The following PSD2 variants were observed in gnomAD, a reference collection of about 807,000 sequenced individuals.
PSD2 encodes the protein PH and SEC7 domain-containing protein 2.
Under a neutral mutation model 69.8 loss-of-function variants are expected in PSD2, and 38 were observed. That is an observed-to-expected ratio of 0.54 (90% CI 0.42 to 0.71). The LOEUF is 0.71. PSD2 is among the 30% of genes least tolerant of loss of function. PSD2 has a pLI of 0.00. For missense variants in PSD2, 943 were observed against 1,014.5 expected (o/e 0.93, Z 0.96); for synonymous variants, 412 against 423.0 (o/e 0.97, Z 0.32).
At position 139,840,097 on chromosome 5, in the gene PSD2, A is replaced by T; in HGVS notation, c.2039A>T (p.His680Leu). ...LTAELAEHRC[H>L]PVERGIKSKE... ...GCGGAGCTGGCCGAACACAGGTGTC[A>T]CCCAGTCGAGAGGGGCATCAAGTCC... The change falls in exon 14 of 15, where the codon CAC becomes CTC. Residue 680 changes from histidine to leucine, a missense_variant. Transcript: ENST00000274710. 1 of 1,614,104 alleles carries T rather than the reference A, an allele frequency of 6.2e-7. No homozygotes were observed. The highest frequency in any genetic ancestry group is 1.3e-5 in the African/African-American group (1 of 75,016).
the PSD2 span, among the ~76,000 whole-genome samples, chr5:139,747,639 C>A: frequency 7.9e-5 from 12 of 152,220 alleles, no homozygotes; most frequent in Non-Finnish European, 1.8e-4. This position sits in a 1 kb window ranked among gnomAD's most constrained non-coding sequence, Gnocchi z 6.7. Flanking sequence ...CTGCCCGCAG[C>A]CCGGCCGGAC....
At position 139,822,002 on chromosome 5, in the gene PSD2, G is replaced by A. The variant is rs1286042446; in HGVS notation, c.1207G>A (p.Glu403Lys). ...CQCNPDDSTS[E>K]DGIHTLTCAL... Reference sequence around the variant, plus strand: ...GTGCAACCCTGATGACAGCACTTCGGAAGGTATGGCCCCTTGCCCACTCTG... The same window carrying A: ...GTGCAACCCTGATGACAGCACTTCGAAAGGTATGGCCCCTTGCCCACTCTG... Residue 403 changes from glutamate (E) to lysine (K), a missense_variant, in exon 6 of 15, where the codon GAA becomes AAA. Coordinates refer to ENST00000274710, the MANE Select transcript of PSD2 (RefSeq NM_032289.4). 6.3e-7 allele frequency: 1 copy of A among 1,599,448 alleles called. No individual in the cohort carries two copies. The highest frequency in any genetic ancestry group is 8.5e-7 in the Non-Finnish European group (1 of 1,170,314).
chr5:139,810,853 C>T (rs1759938896), intron 2 of PSD2, among the ~76,000 whole-genome samples: 1 of 152,082 alleles, frequency 6.6e-6, no homozygotes, highest in African/African-American at 2.4e-5. Context: ...GGCATCTTTA[C>T]TTGGGATGGC....
the PSD2 span, among the ~76,000 whole-genome samples, chr5:139,758,058 GA>G: frequency 6.6e-6 from 1 of 152,104 alleles, no homozygotes. Flanking sequence ...AAAACGAAAC[GA>G]AACAAAAAAA....
intron 7 of PSD2, among the ~76,000 whole-genome samples, chr5:139,832,159 G>C (rs750025284): frequency 6.6e-6 from 1 of 152,160 alleles, no homozygotes; most frequent in African/African-American, 2.4e-5. Flanking sequence ...AAATCTTGCC[G>C]TGTTATTTTT....
Position 139,837,308 on chromosome 5 carries a change from C to T in PSD2, c.1665+70C>T. ...GTCCCATCCCGCCCTGGCCTTGTGG[C>T]ACCCCGAAGCCCCAGGCAGGACCTG... On this transcript the variant is annotated intron_variant, in intron 11 of 14. Transcript: ENST00000274710. The surrounding 1 kb of genome is among the most constrained non-coding windows in gnomAD (Gnocchi z 5.0). 1 of 1,344,288 alleles carries T rather than the reference C, an allele frequency of 7.4e-7. No homozygotes were observed. The highest frequency in any genetic ancestry group is 1.2e-5 in the South Asian group (1 of 82,976). 83.3% of individuals were successfully genotyped at this position (1,344,288 alleles called of 1,614,324 possible).
upstream of PSD2, among the ~76,000 whole-genome samples, chr5:139,793,757 C>A (rs75461295): frequency 0.025 from 3,742 of 152,260 alleles, 92 homozygotes; most frequent in East Asian, 0.09. Flanking sequence ...AGTAAGTAAT[C>A]ATTACAGCTG....
intron 1 of PSD2, among the ~76,000 whole-genome samples, chr5:139,805,300 A>T (rs542534416): frequency 1.3e-5 from 2 of 152,358 alleles, no homozygotes; most frequent in Non-Finnish European, 1.5e-5. Context: ...ACAATCTAGC[A>T]TTCCATCAGA....
At position 139,836,958 on chromosome 5, in the gene PSD2, C is replaced by G. The variant is rs371406215; in HGVS notation, c.1551C>G (p.Gly517=). The G allele has an allele frequency of 1.2e-6, 2 of 1,613,912 alleles. No individual in the cohort carries two copies. The highest frequency in any genetic ancestry group is 1.7e-6 in the Non-Finnish European group (2 of 1,179,960). The part of the protein sequence containing the change: ...QALSATTYKH[G]VLTRKTHADM... ...TCAGTGCCACCACCTACAAGCACGG[C>G]GTCCTGACCCGGAAGACTCACGCTG... is the stretch of plus-strand genomic sequence containing the variant. The change falls in exon 10 of 15, where the codon GGC becomes GGG. Residue 517 remains glycine, a synonymous_variant. Coordinates refer to ENST00000274710, the MANE Select transcript of PSD2 (RefSeq NM_032289.4).
rs182134076 is a variant in PSD2 at position 139,798,182 on chromosome 5, G to A, written c.-51+2207G>A. On this transcript the variant is annotated intron_variant, in intron 1 of 14. Coordinates refer to ENST00000274710, the MANE Select transcript of PSD2 (RefSeq NM_032289.4). ...GCTGTCGCCCCTTGAGGGGTGTTTG[G>A]GGGAGTTGGGTGGGCTTGGGGCCAG... Among the ~76,000 whole-genome samples the A allele has an allele frequency of 4.2e-3, 647 of 152,334 alleles. 5 individuals are homozygous for A. Among genetic ancestry groups the A allele is most frequent in the Non-Finnish European group, 4.9e-3 (333 of 68,020 alleles).
intron 7 of PSD2, among the ~76,000 whole-genome samples, chr5:139,832,041 C>G (rs1404235394): frequency 6.6e-6 from 1 of 152,204 alleles, no homozygotes; most frequent in Non-Finnish European, 1.5e-5. Context: ...CCTCTCCACA[C>G]TCCCCTGCAG....
chr5:139,833,840 T>C (rs567607963), intron 8 of PSD2, 49 bp downstream of exon 8: 3 of 1,376,612 alleles, frequency 2.2e-6, no homozygotes, highest in Admixed American at 1.7e-5. Context: ...CCTGAATGGA[T>C]AGAGAGGAGA....
chr5:139,783,672 G>C, the PSD2 span, among the ~76,000 whole-genome samples: 1 of 151,874 alleles, frequency 6.6e-6, no homozygotes, highest in Non-Finnish European at 1.5e-5. Flanking sequence ...TCATAACCCT[G>C]CTGTTGGGTT....
chr5:139,820,299 T>G (rs964021360), intron 5 of PSD2, among the ~76,000 whole-genome samples: 5 of 151,432 alleles, frequency 3.3e-5, no homozygotes, highest in African/African-American at 9.7e-5. Flanking sequence ...GGGGGAGGTT[T>G]TGAGAAAGTC....
At chr5:139,813,811 C>A (rs1760042093) in intron 3 of PSD2, 53 bp downstream of exon 3, 3 of 1,480,184 alleles carry the variant, frequency 2.0e-6, no homozygotes, top group Non-Finnish European at 2.7e-6. Flanking sequence ...GAAACTGAGA[C>A]CCAGAGGGGG....
chr5:139,825,836 TG>T (rs1456985897), intron 7 of PSD2, among the ~76,000 whole-genome samples: 6 of 151,436 alleles, frequency 4.0e-5, no homozygotes, highest in Admixed American at 1.3e-4. Context: ...AGAGATGGGG[TG>T]GGGTGGAATT....
At chr5:139,828,251 G>A (rs565342872) in intron 7 of PSD2, among the ~76,000 whole-genome samples, 1 of 152,104 alleles carries the variant, frequency 6.6e-6, no homozygotes, top group African/African-American at 2.4e-5. Context: ...TGGGGTAAGC[G>A]GGGGAGAACC....
chr5:139,769,138 A>C, the PSD2 span, among the ~76,000 whole-genome samples: 1 of 152,026 alleles, frequency 6.6e-6, no homozygotes, highest in South Asian at 2.1e-4. Context: ...GGTGATATTC[A>C]TGCCAGGACC....
intron 2 of PSD2, among the ~76,000 whole-genome samples, chr5:139,810,110 G>A (rs552678104): frequency 6.6e-6 from 1 of 152,250 alleles, no homozygotes; most frequent in South Asian, 2.1e-4. Context: ...CGATTTCCAA[G>A]TCCTTTTAAA....
Sources: allele counts gnomAD v4.1 joint callset (sites outside exome capture counted in the v4.1 genomes callset), GRCh38; gene constraint gnomAD v4.1.1; non-coding constraint Gnocchi (gnomAD v3.1); transcripts MANE v1.5; gene names NCBI Gene and HGNC (gene_info 2026-07-23, HGNC 2026-07-21).